SLC22A13: variants seen among roughly 807,000 people sequenced by gnomAD.
The protein encoded by SLC22A13 is solute carrier family 22 member 13, also known as organic anion transporter 10.
SLC22A13 carries 42 observed loss-of-function variants against 49.1 expected under a neutral mutation model. The ratio of observed to expected loss-of-function variants is 0.85; its 90% CI spans 0.67 to 1.11. The LOEUF (loss-of-function observed/expected upper bound fraction) is 1.11. Ranked by LOEUF, SLC22A13 falls within the 50% of genes least tolerant of loss-of-function variation. The pLI is 0.00. For missense variants in SLC22A13, 694 were observed against 712.8 expected (o/e 0.97, Z 0.30); for synonymous variants, 282 against 293.1 (o/e 0.96, Z 0.39).
intron 6 of SLC22A13, 48 bp from the exon 7 acceptor site, chr3:38,275,834 T>A (rs1559538060): frequency 6.4e-7 from 1 of 1,567,832 alleles, no homozygotes; most frequent in Admixed American, 1.7e-5. Flanking sequence ...TCCCTCTGGG[T>A]GGTGTCTCGT....
chr3:38,274,429 C>T, intron 2 of SLC22A13, 54 bp downstream of exon 2: 2 of 1,514,920 alleles, frequency 1.3e-6, no homozygotes, highest in South Asian at 1.1e-5. Context: ...AGCTCTGGCA[C>T]AGGCCCAAGT....
chr3:38,271,768 G>T (rs1373015531), intron 1 of SLC22A13, among the ~76,000 whole-genome samples: 1 of 152,128 alleles, frequency 6.6e-6, no homozygotes, highest in Non-Finnish European at 1.5e-5. Flanking sequence ...AAAAGAGACT[G>T]GGAAATAGGC....
intron 1 of SLC22A13, among the ~76,000 whole-genome samples, chr3:38,269,066 C>A (rs909412134): frequency 1.3e-5 from 2 of 152,164 alleles, no homozygotes; most frequent in African/African-American, 4.8e-5. Context: ...ACAAGCATGC[C>A]TTGCTTTTAA....
intron 1 of SLC22A13, among the ~76,000 whole-genome samples, chr3:38,268,954 A>G (rs1703490420): frequency 6.6e-6 from 1 of 152,136 alleles, no homozygotes; most frequent in Non-Finnish European, 1.5e-5. Flanking sequence ...ACAAACAAAC[A>G]AACAAACAAA....
rs199789317 is a variant in SLC22A13, at chr3:38,276,973, G to A, written c.1408G>A (p.Val470Met). 2.0e-4 allele frequency: 315 copies of A among 1,613,630 alleles called. 1 individual carries two copies. Among genetic ancestry groups the A allele is most frequent in the Non-Finnish European group, 9.3e-6 (11 of 1,179,918 alleles). The change falls in exon 9 of 10, where the codon GTG becomes ATG. Residue 470 changes from valine (V) to methionine (M), a missense_variant. Val to Met is a conservative substitution (Grantham distance 21). Transcript: ENST00000311856. ...SRIGGILTPL[V>M]ILLGEYHAAL... ...GATCGGGGGCATCCTCACACCACTT[G>A]TGATCCTGCTGGGAGAGTACCACGC... is the stretch of plus-strand genomic sequence containing the variant.
intron 2 of SLC22A13, 24 bp downstream of exon 2, chr3:38,274,399 C>T (rs999409987): frequency 6.3e-7 from 1 of 1,590,606 alleles, no homozygotes; most frequent in Non-Finnish European, 8.6e-7. Flanking sequence ...CCTGCCCACT[C>T]CCTGCCTAGC....
Position 38,276,985 on chromosome 3 carries a change from G to A in SLC22A13, c.1420G>A (p.Gly474Arg), listed in dbSNP as rs752361433. ...GILTPLVILLGEYHAALPMLI... is the reference protein window; with the variant it reads ...GILTPLVILLREYHAALPMLI... ...CCTCACACCACTTGTGATCCTGCTG[G>A]GAGAGTACCACGCTGCCCTCCCCAT... Residue 474 changes from glycine (G) to arginine (R), a missense_variant, in exon 9 of 10, where the codon GGA becomes AGA. By Grantham distance (125) the Gly-to-Arg change is moderately radical. Transcript: ENST00000311856. 2 of 1,613,362 alleles carry A rather than the reference G, an allele frequency of 1.2e-6. No homozygotes were observed. Among genetic ancestry groups the A allele is most frequent in the Non-Finnish European group, 1.7e-6 (2 of 1,179,768 alleles).
rs28454312 is a variant in SLC22A13 at position 38,267,775 on chromosome 3, A to G, written c.378+1537A>G. Among the ~76,000 whole-genome samples, 977 of 152,252 alleles carry G rather than the reference A, an allele frequency of 6.4e-3. 10 individuals are homozygous for G. The highest frequency in any genetic ancestry group is 0.023 in the African/African-American group (941 of 41,534). ...TTTGCTTCCTCCTGGTTCCGGGGGA[A>G]TGGGCAGGCAACTTTCTGAAGGAAG... On this transcript the variant is annotated intron_variant, in intron 1 of 9. Coordinates refer to ENST00000311856, the MANE Select transcript of SLC22A13 (RefSeq NM_004256.4).
chr3:38,266,767 TC>T (rs2125861878), intron 1 of SLC22A13, among the ~76,000 whole-genome samples: 1 of 152,326 alleles, frequency 6.6e-6, no homozygotes, highest in East Asian at 1.9e-4. Flanking sequence ...CTGGAGAACA[TC>T]CAGGACTCTA....
In SLC22A13 at chr3:38,275,050, C is replaced by T; in HGVS notation, c.699C>T (p.Phe233=). 6.2e-7 allele frequency: 1 copy of T among 1,614,252 alleles called. No homozygotes were observed. The highest frequency in any genetic ancestry group is 8.5e-7 in the Non-Finnish European group (1 of 1,180,034). ...CCGTGGTCCTGGCCCAGTGCAACTT[C>T]TCCCTCGGGCAGATGGTGCTTGCGG... ...TQAVVLAQCN[F]SLGQMVLAGL... The change falls in exon 4 of 10, where the codon TTC becomes TTT. Residue 233 remains phenylalanine, a synonymous_variant. Transcript: ENST00000311856.
chr3:38,273,384 T>TCTCC (rs1703542507), intron 1 of SLC22A13, among the ~76,000 whole-genome samples: 2 of 152,104 alleles, frequency 1.3e-5, no homozygotes, highest in South Asian at 2.1e-4. Flanking sequence ...TCTCTCATTC[T>TCTCC]CTCCCTCCCT....
intron 1 of SLC22A13, among the ~76,000 whole-genome samples, chr3:38,269,881 C>A (rs1703502036): frequency 8.5e-6 from 1 of 117,524 alleles, no homozygotes. Context: ...CCCCACCCCA[C>A]AACAGTCCCC....
At chr3:38,275,271 C>A in intron 4 of SLC22A13, 99 bp from the exon 5 acceptor site, 1 of 1,589,114 alleles carries the variant, frequency 6.3e-7, no homozygotes, top group Non-Finnish European at 8.6e-7. Context: ...GGAGAGGGAG[C>A]CTGTCACAGC....
chr3:38,268,392 A>G (rs1194364370), intron 1 of SLC22A13, among the ~76,000 whole-genome samples: 1 of 152,194 alleles, frequency 6.6e-6, no homozygotes, highest in Non-Finnish European at 1.5e-5. Flanking sequence ...GGGTGTTATC[A>G]TTCCATAGAC....
In SLC22A13 at chr3:38,277,556, G is replaced by C; in HGVS notation, c.*91G>C. 2.2e-6 allele frequency: 2 copies of C among 927,114 alleles called. No homozygotes were observed. The highest frequency in any genetic ancestry group is 3.4e-6 in the Non-Finnish European group (2 of 595,016). The allele number at this position is 927,114 out of a possible 1,614,324, so 57.4% of individuals were successfully genotyped here. A position where few individuals can be genotyped will look rare whatever the true frequency, so the allele number is the denominator to read the frequency against. ...CAGGACCCACAGGGACACAGGGCAA[G>C]ACCAGCCTTGCTTATGGAGGCAGGA... is the stretch of plus-strand genomic sequence containing the variant. On this transcript the variant is annotated 3_prime_UTR_variant, in exon 10 of 10. Coordinates refer to ENST00000311856, the MANE Select transcript of SLC22A13 (RefSeq NM_004256.4).
At position 38,277,125 on chromosome 3, in the gene SLC22A13, A is replaced by G. The variant is rs1487979075; in HGVS notation, c.1560A>G (p.Pro520=). The change falls in exon 9 of 10, where the codon CCA becomes CCG. Residue 520 remains proline, a splice_region_variant and synonymous_variant. Coordinates refer to ENST00000311856, the MANE Select transcript of SLC22A13 (RefSeq NM_004256.4). ...AGGACCTGGAGCTGGGGCCTCACCC[A>G]CGGTGAGCTGCTTGCTTGCACTGAA... is the stretch of plus-strand genomic sequence containing the variant. The part of the protein sequence containing the change: ...TLQDLELGPH[P]RSPKSVPSEK... The G allele has an allele frequency of 6.4e-7, 1 of 1,555,868 alleles. No homozygotes were observed. The highest frequency in any genetic ancestry group is 8.7e-7 in the Non-Finnish European group (1 of 1,149,104).
intron 2 of SLC22A13, 30 bp downstream of exon 2, chr3:38,274,405 C>T: frequency 6.3e-7 from 1 of 1,582,326 alleles, no homozygotes; most frequent in Non-Finnish European, 8.7e-7. Context: ...CACTCCCTGC[C>T]TAGCAAGCTC....
intron 3 of SLC22A13, 41 bp downstream of exon 3, chr3:38,274,799 G>T (rs2125863835): frequency 1.3e-6 from 2 of 1,584,864 alleles, no homozygotes; most frequent in East Asian, 4.5e-5. Flanking sequence ...ATAGGGTGAG[G>T]CCCAGGGGCC....
At chr3:38,271,136 A>G (rs1703515605) in intron 1 of SLC22A13, among the ~76,000 whole-genome samples, 2 of 152,260 alleles carry the variant, frequency 1.3e-5, no homozygotes, top group African/African-American at 4.8e-5. Flanking sequence ...TGGTGACTTC[A>G]TATTTAAACT....
Sources: gnomAD v4.1 joint callset for allele counts (sites outside exome capture counted in the v4.1 genomes callset) on GRCh38, gnomAD v4.1.1 for gene constraint, MANE v1.5 for transcripts, NCBI Gene and HGNC (gene_info 2026-07-23, HGNC 2026-07-21) for gene names.